The following DOCK10 variants were observed in gnomAD, a reference collection of about 807,000 sequenced individuals.
The protein encoded by DOCK10 is dedicator of cytokinesis protein 10.
In DOCK10, 145 loss-of-function variants were observed where a neutral mutation model predicts 280.1. That is an observed-to-expected ratio of 0.52 (90% confidence interval 0.45 to 0.59). The LOEUF is 0.59. DOCK10 is among the 20% of genes least tolerant of loss of function. The pLI is 0.00. For missense variants in DOCK10, 2,368 were observed against 2,651.7 expected, an observed-to-expected ratio of 0.89 and a Z score of 2.35; for synonymous variants, 915 against 942.2, an observed-to-expected ratio of 0.97 and a Z score of 0.53.
At chr2:224,779,528 C>T (rs1267149284) in intron 50 of DOCK10, among the ~76,000 whole-genome samples, 2 of 151,886 alleles carry the variant, frequency 1.3e-5, no homozygotes, top group Non-Finnish European at 2.9e-5. Context: ...TAGAGTTGAC[C>T]CATAAGGAAA....
chr2:224,919,954 AT>A (rs1268877920), intron 2 of DOCK10, among the ~76,000 whole-genome samples: 3 of 152,184 alleles, frequency 2.0e-5, no homozygotes, highest in African/African-American at 7.2e-5. Context: ...GTGGCTACCA[AT>A]TCAAACCAGG....
chr2:224,949,776 T>G (rs954690444), intron 1 of DOCK10, among the ~76,000 whole-genome samples: 50 of 152,234 alleles, frequency 3.3e-4, no homozygotes, highest in Non-Finnish European at 6.6e-4. Context: ...AAAATAGGGA[T>G]AGCATAGTCA....
At chr2:224,893,684 G>T in intron 4 of DOCK10, 1 of 444,828 alleles carries the variant, frequency 2.2e-6, no homozygotes. Context: ...AATCTTAAGA[G>T]TCAATAATAC....
chr2:225,034,841 G>A (rs1420267358), intron 1 of DOCK10, among the ~76,000 whole-genome samples: 2 of 152,128 alleles, frequency 1.3e-5, no homozygotes, highest in East Asian at 3.9e-4. Context: ...TGTTGAGGGT[G>A]GGGAGCCTGG....
intron 1 of DOCK10, among the ~76,000 whole-genome samples, chr2:224,945,156 G>A (rs1002487582): frequency 6.6e-6 from 1 of 152,168 alleles, no homozygotes; most frequent in Admixed American, 6.5e-5. Flanking sequence ...CATAATCCAT[G>A]CTACTTCTAA....
At chr2:224,870,091 T>C (rs1489200055) in intron 11 of DOCK10, among the ~76,000 whole-genome samples, 2 of 152,188 alleles carry the variant, frequency 1.3e-5, no homozygotes, top group East Asian at 3.9e-4. Context: ...AATTGAATTA[T>C]GGGGGCAGTT....
At chr2:224,816,524 GA>G in intron 30 of DOCK10, 92 bp downstream of exon 30, 1 of 815,948 alleles carries the variant, frequency 1.2e-6, no homozygotes, top group Non-Finnish European at 2.0e-6. Flanking sequence ...TATGACTGAA[GA>G]AACAGGAAAA....
intron 6 of DOCK10, 106 bp from the exon 7 acceptor site, chr2:224,885,911 A>AT: frequency 2.0e-6 from 3 of 1,509,342 alleles, no homozygotes; most frequent in Non-Finnish European, 2.7e-6. Context: ...TTTCTAGGAC[A>AT]TTTTTCTAGA....
intron 50 of DOCK10, among the ~76,000 whole-genome samples, chr2:224,779,825 G>A (rs908178212): frequency 6.6e-6 from 1 of 152,144 alleles, no homozygotes; most frequent in Non-Finnish European, 1.5e-5. Flanking sequence ...AGAAGCCAAT[G>A]AACAAGGTCT....
chr2:225,022,430 G>T (rs908967629), intron 1 of DOCK10, among the ~76,000 whole-genome samples: 5 of 151,010 alleles, frequency 3.3e-5, no homozygotes, highest in African/African-American at 1.2e-4. Flanking sequence ...CAATACAATC[G>T]GGCTCCACAA....
intron 1 of DOCK10, among the ~76,000 whole-genome samples, chr2:224,960,841 G>A (rs928140743): frequency 2.9e-5 from 4 of 138,318 alleles, no homozygotes; most frequent in South Asian, 2.4e-4. Flanking sequence ...CCGGGTTCAC[G>A]CCATTCTCCT....
intron 3 of DOCK10, among the ~76,000 whole-genome samples, chr2:224,898,711 G>T (rs1215487647): frequency 6.6e-6 from 1 of 152,162 alleles, no homozygotes; most frequent in East Asian, 1.9e-4. Flanking sequence ...GGAGTAGCCA[G>T]GACTACAGGT....
rs1690390111 is a variant in DOCK10, at chr2:224,770,860, A to G, written c.6205-215T>C. Reference sequence around the variant, plus strand: ...CACCTTTCACTAACAAACTTCCCAAATTTCAGTCCTTTGCCAACCCCTTCA... The same window carrying G: ...CACCTTTCACTAACAAACTTCCCAAGTTTCAGTCCTTTGCCAACCCCTTCA... On this transcript the variant is annotated intron_variant, in intron 53 of 55. Transcript: ENST00000258390. This position sits in a 1 kb window ranked among gnomAD's most constrained non-coding sequence, Gnocchi z 4.5. Among the ~76,000 whole-genome samples, 1 of 150,842 alleles carries G rather than the reference A, an allele frequency of 6.6e-6. No individual in the cohort carries two copies. The highest frequency in any genetic ancestry group is 2.4e-5 in the African/African-American group (1 of 40,882).
At chr2:224,871,154 A>C (rs1469748370) in intron 11 of DOCK10, among the ~76,000 whole-genome samples, 3 of 152,098 alleles carry the variant, frequency 2.0e-5, no homozygotes, top group African/African-American at 7.2e-5. Context: ...ATCTGTCCCT[A>C]AGACATCTCT....
intron 11 of DOCK10, among the ~76,000 whole-genome samples, chr2:224,865,961 A>G (rs1450395404): frequency 2.0e-5 from 3 of 151,964 alleles, no homozygotes; most frequent in Admixed American, 6.6e-5. Context: ...TTTGAGAGCA[A>G]GTTTCCCATA....
At chr2:224,943,761 CTTT>C (rs67538456) in intron 1 of DOCK10, among the ~76,000 whole-genome samples, 5 of 107,412 alleles carry the variant, frequency 4.7e-5, no homozygotes, top group Admixed American at 2.0e-4. Flanking sequence ...TTTTTCTTTT[CTTT>C]TTTTTTTTTT....
intron 1 of DOCK10, among the ~76,000 whole-genome samples, chr2:225,012,528 G>C (rs1008307661): frequency 3.3e-5 from 5 of 152,140 alleles, no homozygotes; most frequent in Non-Finnish European, 5.9e-5. Context: ...TATAGTGCTT[G>C]CTTTTTCAGT....
chr2:224,849,321 A>G (rs947559637), intron 19 of DOCK10, among the ~76,000 whole-genome samples, 186 bp downstream of exon 19: 3 of 152,140 alleles, frequency 2.0e-5, no homozygotes, highest in Non-Finnish European at 4.4e-5. Flanking sequence ...AAATACATGA[A>G]TTTGCAACGT....
At chr2:224,840,138 T>C in intron 23 of DOCK10, 66 bp from the exon 24 acceptor site, 2 of 706,032 alleles carry the variant, frequency 2.8e-6, no homozygotes, top group Non-Finnish European at 4.7e-6. Context: ...ATTCAAGACC[T>C]GAAACTATAA....
Sources: allele counts gnomAD v4.1 joint callset (sites outside exome capture counted in the v4.1 genomes callset), GRCh38; gene constraint gnomAD v4.1.1; non-coding constraint Gnocchi (gnomAD v3.1); transcripts MANE v1.5; gene names NCBI Gene and HGNC (gene_info 2026-07-23, HGNC 2026-07-21).